The following DCC variants were observed in gnomAD, a reference collection of about 807,000 sequenced individuals.
DCC encodes the protein netrin receptor DCC.
Under a neutral mutation model 172.5 loss-of-function variants are expected in DCC, and 58 were observed. That is an observed-to-expected ratio of 0.34 (90% CI 0.27 to 0.42). DCC has a LOEUF of 0.42. Among genes scored for constraint, DCC ranks in the 10% least tolerant of loss-of-function variants. The pLI, the probability that DCC is intolerant of heterozygous loss-of-function variation, is 1.00. For missense variants in DCC, 1,740 were observed against 1,791.0 expected (o/e 0.97, Z 0.51); for synonymous variants, 709 against 644.5 (o/e 1.10, Z -1.52).
intron 1 of DCC, among the ~76,000 whole-genome samples, chr18:52,678,121 G>A (rs1188662618): frequency 6.6e-6 from 1 of 152,136 alleles, no homozygotes; most frequent in African/African-American, 2.4e-5. Flanking sequence ...ATACTGATCA[G>A]CCTTTGCCCT....
At chr18:52,898,868 C>G (rs1037558672) in intron 2 of DCC, among the ~76,000 whole-genome samples, 1 of 152,204 alleles carries the variant, frequency 6.6e-6, no homozygotes, top group African/African-American at 2.4e-5. Flanking sequence ...ATTGCCCAGG[C>G]TGTCCCAGCT....
intron 22 of DCC, among the ~76,000 whole-genome samples, chr18:53,439,118 T>G (rs1328674020): frequency 1.3e-5 from 2 of 152,212 alleles, no homozygotes; most frequent in African/African-American, 2.4e-5. Flanking sequence ...GAGCCAGGGA[T>G]GGTAGAGGCC....
chr18:52,664,534 G>A (rs575184109), intron 1 of DCC, among the ~76,000 whole-genome samples: 4 of 137,558 alleles, frequency 2.9e-5, no homozygotes, highest in South Asian at 4.6e-4. Context: ...GCAGTGGCGC[G>A]ATCTCGGCTC....
intron 8 of DCC, among the ~76,000 whole-genome samples, chr18:53,168,047 TA>T (rs2054950252): frequency 6.6e-6 from 1 of 152,154 alleles, no homozygotes; most frequent in Non-Finnish European, 1.5e-5. Context: ...TGGCGATTAT[TA>T]AAAAGTCAGG....
At position 52,870,298 on chromosome 18, in the gene DCC, G is replaced by A. The variant is rs183233653; in HGVS notation, c.413-35746G>A. On this transcript the variant is annotated intron_variant, in intron 2 of 28. Coordinates refer to ENST00000442544, the MANE Select transcript of DCC (RefSeq NM_005215.4). The stretch of plus-strand genomic sequence containing the variant: ...TGGGGGCTGTGCAGTCAGCTGCCTT[G>A]GGGACATGGGGCACAGGGGACCCAT... Among the ~76,000 whole-genome samples, 206 of 152,278 alleles carry A rather than the reference G, an allele frequency of 1.4e-3. 1 individual carries two copies. The highest frequency in any genetic ancestry group is 4.7e-3 in the African/African-American group (196 of 41,568).
At chr18:52,488,424 G>A (rs187028192) in intron 1 of DCC, among the ~76,000 whole-genome samples, 215 of 152,220 alleles carry the variant, frequency 1.4e-3, no homozygotes, top group Middle Eastern at 6.8e-3. Context: ...ATTAGGATAG[G>A]ATAGGATAGA....
At chr18:52,509,174 G>A (rs1410933579) in intron 1 of DCC, among the ~76,000 whole-genome samples, 1 of 152,116 alleles carries the variant, frequency 6.6e-6, no homozygotes, top group Non-Finnish European at 1.5e-5. Context: ...ATTGAAATGT[G>A]TTGTAAATGT....
At chr18:52,642,242 G>A (rs763223114) in intron 1 of DCC, among the ~76,000 whole-genome samples, 12 of 151,712 alleles carry the variant, frequency 7.9e-5, no homozygotes, top group East Asian at 3.9e-4. Flanking sequence ...AACATCATAC[G>A]TTCTCACTCA....
intron 1 of DCC, among the ~76,000 whole-genome samples, chr18:52,687,982 T>G (rs753507719): frequency 6.6e-6 from 1 of 152,180 alleles, no homozygotes; most frequent in Non-Finnish European, 1.5e-5. Context: ...TAAGAGTCTT[T>G]GATTCAAGGC....
intron 2 of DCC, among the ~76,000 whole-genome samples, chr18:52,785,326 T>A (rs1365580999): frequency 6.6e-6 from 1 of 152,096 alleles, no homozygotes; most frequent in Non-Finnish European, 1.5e-5. Flanking sequence ...AGCTCTACTT[T>A]ATAGGCTGCT....
At chr18:52,343,971 C>T (rs1031688989) in intron 1 of DCC, among the ~76,000 whole-genome samples, 4 of 152,192 alleles carry the variant, frequency 2.6e-5, no homozygotes, top group African/African-American at 4.8e-5. Flanking sequence ...CCATTTCCCA[C>T]ACAGCAGCAG....
intron 12 of DCC, among the ~76,000 whole-genome samples, chr18:53,231,232 T>A (rs1320403010): frequency 6.6e-6 from 1 of 152,086 alleles, no homozygotes; most frequent in Non-Finnish European, 1.5e-5. Flanking sequence ...GAAGTATCTA[T>A]CATGCTGTCA....
Position 53,397,335 on chromosome 18 carries a change from A to C in DCC, c.2716A>C (p.Thr906Pro), listed in dbSNP as rs1455483594. The C allele has an allele frequency of 6.2e-7, 1 of 1,613,734 alleles. No individual in the cohort carries two copies. Among genetic ancestry groups the C allele is most frequent in the Non-Finnish European group, 8.5e-7 (1 of 1,179,866 alleles). The part of the protein sequence containing the change: ...KSEDTTSLSY[T>P]ATGLKPNTMY... ...AGAAGACACAACATCTCTAAGTTAC[A>C]CAGCAACAGGCCTCAAACCAAACAC... Residue 906 changes from threonine (T) to proline (P), a missense_variant, in exon 18 of 29, where the codon ACA becomes CCA. This residue lies in a region of DCC where 1,732 missense variants were observed against 1,767.4 expected (regional missense o/e 0.98). Transcript: ENST00000442544.
chr18:53,325,647 T>A (rs2057459672), intron 14 of DCC, among the ~76,000 whole-genome samples: 1 of 152,156 alleles, frequency 6.6e-6, no homozygotes, highest in South Asian at 2.1e-4. Context: ...CTCATGAGAG[T>A]CTTAATAAAT....
At position 53,365,637 on chromosome 18, in the gene DCC, T is replaced by C. The variant is rs145878155; in HGVS notation, c.2360-20406T>C. ...TGTGTGAGTGTCTAGCATTGAGCAC[T>C]GTTAAAACATCCATTAATCACATGT... is the stretch of plus-strand genomic sequence containing the variant. On this transcript the variant is annotated intron_variant, in intron 15 of 28. Coordinates refer to ENST00000442544, the MANE Select transcript of DCC (RefSeq NM_005215.4). Among the ~76,000 whole-genome samples the C allele has an allele frequency of 6.6e-3, 1,009 of 152,308 alleles. 4 individuals are homozygous for C. Among genetic ancestry groups the C allele is most frequent in the Middle Eastern group, 0.01 (3 of 294 alleles).
At chr18:53,179,219 AAG>A in intron 9 of DCC, 103 bp downstream of exon 9, 2 of 1,207,078 alleles carry the variant, frequency 1.7e-6, no homozygotes, top group Non-Finnish European at 2.4e-6. Flanking sequence ...AAAAGCGAAG[AAG>A]AGTTTTTTTT....
chr18:53,460,808 C>G (rs905398126), intron 24 of DCC, among the ~76,000 whole-genome samples: 12 of 152,116 alleles, frequency 7.9e-5, no homozygotes, highest in Admixed American at 3.3e-4. Flanking sequence ...TAATGGGATG[C>G]CTGGGTCAAA....
intron 1 of DCC, among the ~76,000 whole-genome samples, chr18:52,532,824 A>G (rs553661084): frequency 4.6e-5 from 7 of 152,132 alleles, no homozygotes; most frequent in African/African-American, 1.7e-4. Flanking sequence ...TATCCTTCTA[A>G]AGTAGACCAT....
At chr18:52,410,954 A>T (rs1313641146) in intron 1 of DCC, among the ~76,000 whole-genome samples, 1 of 152,148 alleles carries the variant, frequency 6.6e-6, no homozygotes, top group Non-Finnish European at 1.5e-5. Flanking sequence ...TACTTAAAGC[A>T]CCTGACAACT....
Sources: gnomAD v4.1 joint callset for allele counts (sites outside exome capture counted in the v4.1 genomes callset) on GRCh38, gnomAD v4.1.1 for gene constraint, gnomAD v4.1.1 regional missense constraint, MANE v1.5 for transcripts, NCBI Gene and HGNC (gene_info 2026-07-23, HGNC 2026-07-21) for gene names.